AP3S1: variants seen among roughly 807,000 people sequenced by gnomAD.
AP3S1 encodes AP-3 complex subunit sigma-1.
A neutral mutation model predicts 21.3 loss-of-function variants in AP3S1; 12 were observed. That is an observed-to-expected ratio of 0.56 (90% confidence interval 0.36 to 0.91). AP3S1 has a LOEUF of 0.91. Ranked by LOEUF, AP3S1 falls within the 40% of genes least tolerant of loss-of-function variation. The probability of loss-of-function intolerance (pLI) is 0.01; values close to 1 mark genes in which losing one functional copy is unlikely to be tolerated. For synonymous variants in AP3S1, 48 were observed against 78.4 expected, an observed-to-expected ratio of 0.61 and a Z score of 2.05; for missense variants, 116 against 225.0, an observed-to-expected ratio of 0.52 and a Z score of 3.10.
At chr5:115,900,820 C>T (rs1561523225) in intron 4 of AP3S1, among the ~76,000 whole-genome samples, 1 of 152,182 alleles carries the variant, frequency 6.6e-6, no homozygotes, top group African/African-American at 2.4e-5. Context: ...TATACACGCA[C>T]AGCTGTTTCT....
At chr5:115,902,044 T>C (rs908498772) in intron 4 of AP3S1, among the ~76,000 whole-genome samples, 1 of 152,212 alleles carries the variant, frequency 6.6e-6, no homozygotes, top group Non-Finnish European at 1.5e-5. Context: ...CTCTATTTCG[T>C]AAATAAGGTA....
At chr5:115,867,161 A>G (rs1220574829) in intron 2 of AP3S1, among the ~76,000 whole-genome samples, 1 of 152,102 alleles carries the variant, frequency 6.6e-6, no homozygotes, top group Non-Finnish European at 1.5e-5. Flanking sequence ...TAAAATTTTT[A>G]TTTATGAGAT....
At chr5:115,911,955 A>C (rs550371905) in intron 5 of AP3S1, 33 of 151,880 alleles carry the variant, frequency 2.2e-4, no homozygotes, top group South Asian at 8.3e-4. Flanking sequence ...CATTTGTATC[A>C]CTCTTATCAT....
chr5:115,889,966 T>TG (rs956135037), intron 3 of AP3S1, among the ~76,000 whole-genome samples: 1 of 152,132 alleles, frequency 6.6e-6, no homozygotes, highest in Admixed American at 6.6e-5. Context: ...CACACACCCT[T>TG]GAGTATGGTT....
chr5:115,880,060 T>C (rs1749135518), intron 3 of AP3S1, among the ~76,000 whole-genome samples: 1 of 152,216 alleles, frequency 6.6e-6, no homozygotes, highest in African/African-American at 2.4e-5. Flanking sequence ...ATATCCCCTG[T>C]ATAATTTTTT....
chr5:115,901,639 C>A (rs1751223585), intron 4 of AP3S1, among the ~76,000 whole-genome samples: 1 of 151,700 alleles, frequency 6.6e-6, no homozygotes, highest in African/African-American at 2.4e-5. Flanking sequence ...ACTGCACCCT[C>A]CACTTCCCGG....
At chr5:115,842,501 CA>C (rs1761678267) in intron 1 of AP3S1, 1 of 170,092 alleles carries the variant, frequency 5.9e-6, no homozygotes, top group African/African-American at 2.4e-5. Context: ...CCCGCGGCTG[CA>C]GTTAGCCCGG....
At chr5:115,880,445 A>G (rs1749174305) in intron 3 of AP3S1, among the ~76,000 whole-genome samples, 1 of 152,070 alleles carries the variant, frequency 6.6e-6, no homozygotes. Flanking sequence ...TTCTACCTTA[A>G]TTTCATTATT....
At chr5:115,855,225 G>T (rs983038586) in intron 1 of AP3S1, among the ~76,000 whole-genome samples, 1 of 151,892 alleles carries the variant, frequency 6.6e-6, no homozygotes, top group Admixed American at 6.6e-5. Flanking sequence ...TTTTAGTAGA[G>T]ATGGGGTTTC....
intron 1 of AP3S1, among the ~76,000 whole-genome samples, chr5:115,859,672 T>C (rs1763031326): frequency 1.3e-5 from 2 of 152,158 alleles, no homozygotes; most frequent in Admixed American, 6.6e-5. Context: ...GAGGGTGAAA[T>C]TGTGTGCCCT....
intron 1 of AP3S1, among the ~76,000 whole-genome samples, chr5:115,845,710 T>C (rs1306966268): frequency 6.6e-6 from 1 of 151,582 alleles, no homozygotes; most frequent in Non-Finnish European, 1.5e-5. Context: ...AGCGCACGCC[T>C]ATAAGTGCAG....
chr5:115,886,286 T>C (rs934048431), intron 3 of AP3S1, among the ~76,000 whole-genome samples: 1 of 152,124 alleles, frequency 6.6e-6, no homozygotes, highest in Non-Finnish European at 1.5e-5. Context: ...GGTCAACTTA[T>C]ACACAGATTT....
intron 2 of AP3S1, among the ~76,000 whole-genome samples, chr5:115,867,527 G>C (rs889195218): frequency 2.6e-5 from 4 of 152,134 alleles, no homozygotes; most frequent in Non-Finnish European, 5.9e-5. Context: ...TATGATGGAT[G>C]AGAAATACTC....
At chr5:115,895,819 A>T (rs1161541342) in intron 4 of AP3S1, among the ~76,000 whole-genome samples, 1 of 152,224 alleles carries the variant, frequency 6.6e-6, no homozygotes, top group East Asian at 1.9e-4. Context: ...CTAAGACACT[A>T]CGATGAGGTT....
chr5:115,881,668 C>T (rs1356779942), intron 3 of AP3S1, among the ~76,000 whole-genome samples: 4 of 152,082 alleles, frequency 2.6e-5, no homozygotes, highest in African/African-American at 4.8e-5. Context: ...GTGAATCTGA[C>T]GATTATGTGT....
chr5:115,893,208 G>C (rs1750468996), intron 3 of AP3S1, among the ~76,000 whole-genome samples: 1 of 152,094 alleles, frequency 6.6e-6, no homozygotes, highest in African/African-American at 2.4e-5. Context: ...TAGCGATGGT[G>C]GAAGTGCCCC....
chr5:115,874,896 A>G (rs371828154), intron 3 of AP3S1, among the ~76,000 whole-genome samples: 7 of 152,222 alleles, frequency 4.6e-5, no homozygotes, highest in East Asian at 1.9e-4. Flanking sequence ...GCCATATACT[A>G]TGTAATTTTG....
intron 1 of AP3S1, among the ~76,000 whole-genome samples, chr5:115,864,554 ATTG>A (rs1191255429): frequency 6.6e-6 from 1 of 152,242 alleles, no homozygotes; most frequent in Non-Finnish European, 1.5e-5. Flanking sequence ...TAAAGATGTC[ATTG>A]TTGTTATAGA....
At chr5:115,878,310 C>T (rs994857081) in intron 3 of AP3S1, among the ~76,000 whole-genome samples, 2 of 152,122 alleles carry the variant, frequency 1.3e-5, no homozygotes, top group African/African-American at 4.8e-5. Context: ...CCTAGGTTTT[C>T]TTCTAGGGTT....
Sources: allele counts gnomAD v4.1 joint callset (sites outside exome capture counted in the v4.1 genomes callset), GRCh38; gene constraint gnomAD v4.1.1; transcripts MANE v1.5; gene names NCBI Gene and HGNC (gene_info 2026-07-23, HGNC 2026-07-21).